Variants in USP2 observed in about 807,000 individuals in gnomAD.
USP2 encodes ubiquitin specific peptidase 2.
In USP2, 33 loss-of-function variants were observed where a neutral mutation model predicts 72.0. The observed-to-expected ratio is 0.46, with a 90% CI of 0.35 to 0.61. USP2 has a LOEUF of 0.61. USP2 is among the 20% of genes least tolerant of loss of function. USP2 has a pLI of 0.01. For synonymous variants in USP2, 296 were observed against 312.5 expected (o/e 0.95, Z 0.56); for missense variants, 691 against 797.8 (o/e 0.87, Z 1.61).
rs545612274 is a variant in USP2, at chr11:119,381,644, C to T, written c.-213G>A. On this transcript the variant is annotated 5_prime_UTR_variant, in exon 1 of 13. Coordinates refer to ENST00000260187, the MANE Select transcript of USP2 (RefSeq NM_004205.5). Reference sequence around the variant, plus strand: ...TCCGCCGGGGGCCCAGAAGGGACCTCCCCGGGAAATCGGCGCCACCCAGCG... The same window carrying T: ...TCCGCCGGGGGCCCAGAAGGGACCTTCCCGGGAAATCGGCGCCACCCAGCG... The T allele has an allele frequency of 5.6e-5, 72 of 1,289,140 alleles. No homozygotes were observed. The African/African-American group carries it at 9.1e-4, about 16-fold the overall frequency. 79.9% of individuals were successfully genotyped at this position (1,289,140 alleles called of 1,614,324 possible).
intron 12 of USP2, 111 bp downstream of exon 12, chr11:119,357,076 G>T (rs1591313788): frequency 1.6e-6 from 2 of 1,269,748 alleles, no homozygotes; most frequent in East Asian, 3.1e-5. Flanking sequence ...ATCCATTCTC[G>T]GTGTAAGCCG....
chr11:119,371,592 T>C (rs1950927259), intron 2 of USP2, among the ~76,000 whole-genome samples: 2 of 152,202 alleles, frequency 1.3e-5, no homozygotes, highest in African/African-American at 4.8e-5. Flanking sequence ...TTATGCAAGC[T>C]TCAAGGTCCT....
At chr11:119,364,336 G>A (rs1950820028) in intron 2 of USP2, 1 of 309,578 alleles carries the variant, frequency 3.2e-6, no homozygotes, top group South Asian at 1.3e-4. Flanking sequence ...AGGCGACAAG[G>A]TCGGTCCTCC....
Position 119,357,196 on chromosome 11 carries a change from T to C in USP2, c.1721A>G (p.Asn574Ser), listed in dbSNP as rs1169378223. The C allele has an allele frequency of 1.2e-6, 2 of 1,612,868 alleles. No individual in the cohort carries two copies. Among genetic ancestry groups the C allele is most frequent in the African/African-American group, 1.3e-5 (1 of 74,834 alleles). Reference protein sequence around the residue: ...SPGTGEWHTFNDSSVTPMSSS... With the variant: ...SPGTGEWHTFSDSSVTPMSSS... ...CTGCCCTGGCTCTCACCTGGAGTCG[T>C]TGAAAGTGTGCCATTCTCCTGTCCC... The change falls in exon 12 of 13, where the codon AAC (asparagine) becomes AGC (serine). Residue 574 changes from asparagine to serine, a missense_variant. Asn to Ser is a conservative substitution (Grantham distance 46). Coordinates refer to ENST00000260187, the MANE Select transcript of USP2 (RefSeq NM_004205.5).
chr11:119,363,186 A>T (rs1445815863), intron 2 of USP2, among the ~76,000 whole-genome samples: 2 of 152,214 alleles, frequency 1.3e-5, no homozygotes, highest in Non-Finnish European at 2.9e-5. Flanking sequence ...TGCCTGTTAC[A>T]TAAGACCTGT....
At chr11:119,361,629 G>C (rs1412572481) in intron 2 of USP2, among the ~76,000 whole-genome samples, 1 of 151,994 alleles carries the variant, frequency 6.6e-6, no homozygotes. Context: ...GGGTGTGGGT[G>C]GGGGAGGAGC....
chr11:119,377,760 G>C (rs1951019437), intron 1 of USP2, among the ~76,000 whole-genome samples: 1 of 152,162 alleles, frequency 6.6e-6, no homozygotes, highest in South Asian at 2.1e-4. Flanking sequence ...CTTTGCTTCA[G>C]CCACTGTCAT....
In USP2 at chr11:119,376,143, C is replaced by T. The variant is rs1032926912; in HGVS notation, c.-41-2622G>A. ...GGCCTTCCACATGTCTCTCCCCTCC[C>T]GCAACCCCCAGTTTCACTCTCAAAG... On this transcript the variant is annotated intron_variant, in intron 1 of 12. Coordinates refer to ENST00000260187, the MANE Select transcript of USP2 (RefSeq NM_004205.5). 1.0e-5 allele frequency: 10 copies of T among 982,942 alleles called. No homozygotes were observed. The Admixed American group carries it at 1.8e-4, about 18-fold the overall frequency. The allele number at this position is 982,942 out of a possible 1,614,324, so 60.9% of individuals were successfully genotyped here.
chr11:119,373,087 G>T lies in USP2; in HGVS notation c.394C>A (p.Gln132Lys). Reference sequence around the variant, plus strand: ...AGCTTCTGGGTTAGGGTCACCCCCTGGTCATAGGCATTGATGGGCAGGTAG... The same window carrying T: ...AGCTTCTGGGTTAGGGTCACCCCCTTGTCATAGGCATTGATGGGCAGGTAG... Reference protein sequence around the residue: ...LSYLPINAYDQGVTLTQKLDS... With the variant: ...LSYLPINAYDKGVTLTQKLDS... Residue 132 changes from glutamine (Q) to lysine (K), a missense_variant, in exon 2 of 13, where the codon CAG (glutamine) becomes AAG (lysine). By Grantham distance (53) the Gln-to-Lys change is moderately conservative (BLOSUM62 1). Coordinates refer to ENST00000260187, the MANE Select transcript of USP2 (RefSeq NM_004205.5). 6.2e-7 allele frequency: 1 copy of T among 1,614,100 alleles called. No homozygotes were observed. The highest frequency in any genetic ancestry group is 8.5e-7 in the Non-Finnish European group (1 of 1,180,020).
At chr11:119,379,607 G>C (rs1951037358) in intron 1 of USP2, among the ~76,000 whole-genome samples, 1 of 152,192 alleles carries the variant, frequency 6.6e-6, no homozygotes, top group Non-Finnish European at 1.5e-5. Flanking sequence ...TTCTAGGCCT[G>C]GGATTGGAGG....
rs2135383642 is a variant in USP2 at position 119,356,776 on chromosome 11, T to A, written c.*59A>T. 6.8e-7 allele frequency: 1 copy of A among 1,463,604 alleles called. No homozygotes were observed. The highest frequency in any genetic ancestry group is 9.1e-7 in the Non-Finnish European group (1 of 1,093,924). 90.7% of individuals were successfully genotyped at this position (1,463,604 alleles called of 1,614,324 possible). A position where few individuals can be genotyped will look rare whatever the true frequency, so the allele number is the denominator to read the frequency against. On this transcript the variant is annotated 3_prime_UTR_variant, in exon 13 of 13. Transcript: ENST00000260187. ...TGTTGTTGTTTTGTTTTTGTCTTTTTAAAAAATTTAGGGAGCGGGGCCACC... is the reference window on the plus strand; with the variant it reads ...TGTTGTTGTTTTGTTTTTGTCTTTTAAAAAAATTTAGGGAGCGGGGCCACC...
intron 1 of USP2, among the ~76,000 whole-genome samples, chr11:119,379,638 C>G (rs1438263545): frequency 6.6e-6 from 1 of 152,134 alleles, no homozygotes; most frequent in Non-Finnish European, 1.5e-5. Context: ...CCCTTATTGG[C>G]TCTGAAATAG....
chr11:119,360,223 A>T lies in USP2; in HGVS notation c.786T>A (p.Ser262Arg), dbSNP rs768769990. 2 of 1,613,928 alleles carry T rather than the reference A, an allele frequency of 1.2e-6. 1 individual carries two copies. Among genetic ancestry groups the T allele is most frequent in the South Asian group, 2.2e-5 (2 of 91,034 alleles). The change falls in exon 3 of 13, where the codon AGT becomes AGA. Residue 262 changes from serine (S) to arginine (R), a missense_variant. Ser to Arg is a moderately radical substitution (Grantham distance 110). Transcript: ENST00000260187. ...TTCGAAGACCAGCCAGACCCTGGGC[A>T]CTCTTAGAATTCTGTAAGCAAAGAA... ...SPGRDGMNSK[S>R]AQGLAGLRNL...
rs979196719 is a variant in USP2, at chr11:119,364,055, G to T, written c.775-3821C>A. ...TAACGTTGGCAGCGGGGGCGCGGGG[G>T]GAGTCCCCGCGCGGTGCCACAGTCC... is the stretch of plus-strand genomic sequence containing the variant. On this transcript the variant is annotated intron_variant, in intron 2 of 12. Transcript: ENST00000260187. 5.1e-4 allele frequency: 645 copies of T among 1,273,590 alleles called. 2 individuals carry two copies. Among genetic ancestry groups the T allele is most frequent in the Non-Finnish European group, 6.0e-4 (604 of 1,010,412 alleles). 78.9% of individuals were successfully genotyped at this position (1,273,590 alleles called of 1,614,324 possible). A position where few individuals can be genotyped will look rare whatever the true frequency, so the allele number is the denominator to read the frequency against.
chr11:119,360,283 C>A (rs755738674), intron 2 of USP2, 49 bp from the exon 3 acceptor site: 39 of 1,597,334 alleles, frequency 2.4e-5, no homozygotes, highest in Admixed American at 1.7e-5. Context: ...AGATGCTAGG[C>A]CTGTGCTGGG....
chr11:119,361,613 G>T (rs1437668871), intron 2 of USP2, among the ~76,000 whole-genome samples: 1 of 151,930 alleles, frequency 6.6e-6, no homozygotes, highest in Non-Finnish European at 1.5e-5. Flanking sequence ...GTCAGCTGGG[G>T]GGGAGGGGTG....
rs1950655705 is a variant in USP2, at chr11:119,356,594, G to A, written c.*241C>T. 1 of 524,154 alleles carries A rather than the reference G, an allele frequency of 1.9e-6. No homozygotes were observed. Among genetic ancestry groups the A allele is most frequent in the Non-Finnish European group, 3.3e-6 (1 of 299,092 alleles). 32.5% of individuals were successfully genotyped at this position (524,154 alleles called of 1,614,324 possible). ...ACAAGTTTACAAATGCAAACGCCGAGGGCACGGGGCGATGCTGGCTCCACG... is the reference window on the plus strand; with the variant it reads ...ACAAGTTTACAAATGCAAACGCCGAAGGCACGGGGCGATGCTGGCTCCACG... On this transcript the variant is annotated 3_prime_UTR_variant, in exon 13 of 13. Transcript: ENST00000260187.
chr11:119,359,191 C>T, intron 5 of USP2, 40 bp downstream of exon 5: 1 of 1,612,288 alleles, frequency 6.2e-7, no homozygotes, highest in Non-Finnish European at 8.5e-7. Context: ...CCTGCTCCTA[C>T]TGCCACCCAC....
Position 119,372,785 on chromosome 11 carries a change from G to A in USP2, c.696C>T (p.Gly232=), listed in dbSNP as rs1228692604. 2 of 1,594,490 alleles carry A rather than the reference G, an allele frequency of 1.3e-6. No individual in the cohort carries two copies. The highest frequency in any genetic ancestry group is 1.7e-6 in the Non-Finnish European group (2 of 1,171,420). ...TTCCCGTCTCCCACAGCGTGTAGCG[G>A]CCAATGGGTCGGTAGGTTGGGCTGA... The part of the protein sequence containing the change: ...EIISPTYRPI[G]RYTLWETGKG... Residue 232 remains glycine, a synonymous_variant, in exon 2 of 13, where the codon GGC becomes GGT. Coordinates refer to ENST00000260187, the MANE Select transcript of USP2 (RefSeq NM_004205.5).
Sources: allele counts gnomAD v4.1 joint callset (sites outside exome capture counted in the v4.1 genomes callset), GRCh38; gene constraint gnomAD v4.1.1; transcripts MANE v1.5; gene names NCBI Gene and HGNC (gene_info 2026-07-23, HGNC 2026-07-21).